The following C10orf105 variants were observed in gnomAD, a reference collection of about 807,000 sequenced individuals.
The protein encoded by C10orf105 is uncharacterized protein C10orf105.
A neutral mutation model predicts 0.6 loss-of-function variants in C10orf105; 2 were observed. The ratio of observed to expected loss-of-function variants is 3.18; its 90% CI spans 1.30 to 10.01. The LOEUF (loss-of-function observed/expected upper bound fraction) is 10.01, where lower values mean the gene tolerates loss of function less well. C10orf105 is among the 30% of genes most tolerant of loss of function. The pLI, the probability that C10orf105 is intolerant of heterozygous loss-of-function variation, is 0.04. For synonymous variants in C10orf105, 95 were observed against 82.4 expected, an observed-to-expected ratio of 1.15 and a Z score of -0.83; for missense variants, 209 against 191.4, an observed-to-expected ratio of 1.09 and a Z score of -0.54.
rs762713353 is a variant in C10orf105, at chr10:71,730,624, G to C, written c.-6+7104C>G. Reference sequence around the variant, plus strand: ...ACTCTGGTGAGGCTGGCAGGAGGAAGCCGGGGATCCCATTGCTCAGAGCAA... The same window carrying C: ...ACTCTGGTGAGGCTGGCAGGAGGAACCCGGGGATCCCATTGCTCAGAGCAA... On this transcript the variant is annotated intron_variant, in intron 1 of 1. Coordinates refer to the C10orf105 transcript ENST00000398786. 2.5e-6 allele frequency: 4 copies of C among 1,613,018 alleles called. No homozygotes were observed. Among genetic ancestry groups the C allele is most frequent in the African/African-American group, 2.7e-5 (2 of 74,936 alleles).
rs1866082294 is a variant in C10orf105 at position 71,713,594 on chromosome 10, G to C, written c.*2342C>G. The C allele has an allele frequency of 2.5e-6, 1 of 394,690 alleles. No homozygotes were observed. The highest frequency in any genetic ancestry group is 2.7e-5 in the South Asian group (1 of 36,492). 24.4% of individuals were successfully genotyped at this position (394,690 alleles called of 1,614,324 possible). ...GGGAGCTGACTCCCAGAAACACAGA[G>C]AGCCCAGAAAGCCCTGAGGATTTGC... is the stretch of plus-strand genomic sequence containing the variant. On this transcript the variant is annotated 3_prime_UTR_variant, in exon 2 of 2. Transcript: ENST00000441508.
intron 1 of C10orf105, among the ~76,000 whole-genome samples, chr10:71,727,437 C>G (rs1056756453): frequency 6.6e-6 from 1 of 152,224 alleles, no homozygotes; most frequent in Non-Finnish European, 1.5e-5. Flanking sequence ...AGCCTCCACA[C>G]CCATGAGACC....
chr10:71,720,976 T>C (rs77577796), upstream of C10orf105, among the ~76,000 whole-genome samples: 574 of 152,272 alleles, frequency 3.8e-3, 1 homozygote, highest in African/African-American at 0.011. Context: ...AGAGTCCCCA[T>C]TGGGATTCCT....
rs1839409953 is a variant in C10orf105 at position 71,732,103 on chromosome 10, A to C, written c.-6+5625T>G. On this transcript the variant is annotated intron_variant, in intron 1 of 1. Coordinates refer to the C10orf105 transcript ENST00000398786. ...TTACCTGGACTACGAGACCAAGACCAGCTACATGATGAATGTGTCGGCCAC... is the reference window on the plus strand; with the variant it reads ...TTACCTGGACTACGAGACCAAGACCCGCTACATGATGAATGTGTCGGCCAC... The C allele has an allele frequency of 1.2e-6, 2 of 1,614,024 alleles. No individual in the cohort carries two copies. Among genetic ancestry groups the C allele is most frequent in the Non-Finnish European group, 1.7e-6 (2 of 1,179,888 alleles).
At chr10:71,730,460 C>T (rs1166973738) in intron 1 of C10orf105, 1 of 1,613,240 alleles carries the variant, frequency 6.2e-7, no homozygotes, top group Non-Finnish European at 8.5e-7. Flanking sequence ...CCTGGCCCGG[C>T]TCCCACAGGT....
At chr10:71,717,782 T>C (rs1866347501) in intron 1 of C10orf105, 1 of 152,238 alleles carries the variant, frequency 6.6e-6, no homozygotes, top group South Asian at 2.1e-4. Context: ...TCTGGATTTT[T>C]TTAAAGGCAA....
chr10:71,712,481 C>T lies in C10orf105; in HGVS notation c.*3455G>A, dbSNP rs1866012740. ...AAGAATGGCTGGCACATGGTGTTAT[C>T]TAAGTATTTGATACTGTTAGTGTTA... On this transcript the variant is annotated 3_prime_UTR_variant, in exon 2 of 2. Transcript: ENST00000441508. 1 of 610,384 alleles carries T rather than the reference C, an allele frequency of 1.6e-6. No individual in the cohort carries two copies. The highest frequency in any genetic ancestry group is 2.9e-6 in the Non-Finnish European group (1 of 344,360). 37.8% of individuals were successfully genotyped at this position (610,384 alleles called of 1,614,324 possible). A position where few individuals can be genotyped will look rare whatever the true frequency, so the allele number is the denominator to read the frequency against.
chr10:71,737,494 T>A (rs967499820), intron 1 of C10orf105, among the ~76,000 whole-genome samples: 4 of 152,194 alleles, frequency 2.6e-5, no homozygotes, highest in African/African-American at 7.2e-5. Context: ...GTCAAACCTG[T>A]ATAGAAGGAA....
rs536282106 is a variant in C10orf105, at chr10:71,715,284, G to T, written c.*652C>A. 7 of 152,382 alleles carry T rather than the reference G, an allele frequency of 4.6e-5. No individual in the cohort carries two copies. The highest frequency in any genetic ancestry group is 1.3e-4 in the Admixed American group (2 of 15,306). 9.4% of individuals were successfully genotyped at this position (152,382 alleles called of 1,614,324 possible). A position where few individuals can be genotyped will look rare whatever the true frequency, so the allele number is the denominator to read the frequency against. ...GATCCCAACGTGGGTGCCCTGAAGA[G>T]GGGCCACCAAGACGGCTGCCAAGAC... On this transcript the variant is annotated 3_prime_UTR_variant, in exon 2 of 2. Coordinates refer to ENST00000441508, the MANE Select transcript of C10orf105 (RefSeq NM_001164375.3).
chr10:71,724,709 C>T (rs769841474), upstream of C10orf105, among the ~76,000 whole-genome samples: 11 of 152,228 alleles, frequency 7.2e-5, no homozygotes, highest in Non-Finnish European at 1.2e-4. Context: ...CCCAGCAGCA[C>T]GCTCCCCAGG....
upstream of C10orf105, among the ~76,000 whole-genome samples, chr10:71,721,185 C>T (rs532841052): frequency 1.1e-3 from 173 of 152,314 alleles, no homozygotes; most frequent in Admixed American, 2.9e-3. Flanking sequence ...CTCTGGGCAA[C>T]GTGGCTCTCT....
At chr10:71,720,607 T>C (rs960671359), upstream of C10orf105, among the ~76,000 whole-genome samples, 1 of 152,202 alleles carries the variant, frequency 6.6e-6, no homozygotes, top group African/African-American at 2.4e-5. Context: ...GTCCAAGACC[T>C]GAGCCTCAGA....
At chr10:71,730,674 C>G in intron 1 of C10orf105, 1 of 1,587,896 alleles carries the variant, frequency 6.3e-7, no homozygotes, top group Non-Finnish European at 8.6e-7. Flanking sequence ...CCCAGCCCCT[C>G]CTTCGAAACG....
rs766261756 is a variant in C10orf105, at chr10:71,712,675, T to G, written c.*3261A>C. 1.0e-4 allele frequency: 161 copies of G among 1,613,460 alleles called. 1 individual carries two copies. The highest frequency in any genetic ancestry group is 3.5e-4 in the Admixed American group (21 of 59,998). On this transcript the variant is annotated 3_prime_UTR_variant, in exon 2 of 2. Transcript: ENST00000441508. ...CTTCAACTCCCACAGACAACGGCCC[T>G]GTAGGGAAGCGACACACGGGCACAG...
intron 1 of C10orf105, among the ~76,000 whole-genome samples, chr10:71,718,470 G>A (rs928921746): frequency 2.0e-5 from 3 of 152,202 alleles, no homozygotes; most frequent in African/African-American, 4.8e-5. Context: ...CCGCCTTTGC[G>A]GCATCAGGCC....
upstream of C10orf105, among the ~76,000 whole-genome samples, chr10:71,721,236 C>G (rs1173395588): frequency 1.3e-5 from 2 of 152,200 alleles, no homozygotes; most frequent in African/African-American, 4.8e-5. Flanking sequence ...AATTGAAGCA[C>G]CCTGTTACAT....
At chr10:71,730,387 A>C in intron 1 of C10orf105, 7 of 1,534,690 alleles carry the variant, frequency 4.6e-6, no homozygotes, top group Non-Finnish European at 6.2e-6. Context: ...GTGACCACAC[A>C]AGGCGGCCAC....
chr10:71,730,502 G>T lies in C10orf105; in HGVS notation c.-6+7226C>A, dbSNP rs886047134. On this transcript the variant is annotated intron_variant, in intron 1 of 1. Coordinates refer to the C10orf105 transcript ENST00000398786. ...GTACGTGGAGGACATCAACGATGAG[G>T]CCCCCGTGTTCACACAGCAGCAGTA... 40 of 1,613,902 alleles carry T rather than the reference G, an allele frequency of 2.5e-5. No homozygotes were observed. Among genetic ancestry groups the T allele is most frequent in the Non-Finnish European group, 3.3e-5 (39 of 1,179,876 alleles).
intron 1 of C10orf105, chr10:71,732,622 G>A: frequency 7.1e-7 from 1 of 1,399,358 alleles, no homozygotes; most frequent in Non-Finnish European, 9.3e-7. Context: ...AACAGAGTGA[G>A]ACCTTGTCTC....
Sources: allele counts gnomAD v4.1 joint callset (sites outside exome capture counted in the v4.1 genomes callset), GRCh38; gene constraint gnomAD v4.1.1; transcripts MANE v1.5; gene names NCBI Gene and HGNC (gene_info 2026-07-23, HGNC 2026-07-21).